EYS: variants seen among roughly 807,000 people sequenced by gnomAD.
EYS encodes the protein protein eyes shut homolog.
In EYS, 250 loss-of-function variants were observed where a neutral mutation model predicts 282.1. The observed-to-expected ratio is 0.89, with a 90% confidence interval of 0.80 to 0.98. The LOEUF is 0.98. Ranked by LOEUF, EYS falls within the 50% of genes least tolerant of loss-of-function variation. The pLI, the probability that EYS is intolerant of heterozygous loss-of-function variation, is 0.00. For synonymous variants in EYS, 1,355 were observed against 1,282.9 expected (o/e 1.06, Z -1.20); for missense variants, 4,016 against 3,709.0 (o/e 1.08, Z -2.15).
intron 12 of EYS, among the ~76,000 whole-genome samples, chr6:65,243,327 T>C (rs1767100375): frequency 6.6e-6 from 1 of 152,220 alleles, no homozygotes; most frequent in Non-Finnish European, 1.5e-5. Context: ...ATGGCTACAC[T>C]ATACTGTCAA....
chr6:63,944,057 A>T (rs886501221), intron 35 of EYS, among the ~76,000 whole-genome samples: 3 of 152,174 alleles, frequency 2.0e-5, no homozygotes, highest in African/African-American at 7.2e-5. Flanking sequence ...AGACAGAGAG[A>T]TGCAGAGCGC....
At chr6:65,652,105 G>A (rs1767673266) in intron 1 of EYS, among the ~76,000 whole-genome samples, 1 of 151,922 alleles carries the variant, frequency 6.6e-6, no homozygotes, top group Non-Finnish European at 1.5e-5. Flanking sequence ...ATAAAAATGT[G>A]TAGCTCAAAC....
At chr6:64,255,536 A>G (rs1767361591) in intron 30 of EYS, among the ~76,000 whole-genome samples, 1 of 152,100 alleles carries the variant, frequency 6.6e-6, no homozygotes, top group African/African-American at 2.4e-5. Context: ...GCCTTTAAAA[A>G]AGTTCAAGAC....
At chr6:63,990,544 C>T (rs1402464118) in intron 34 of EYS, among the ~76,000 whole-genome samples, 2 of 151,640 alleles carry the variant, frequency 1.3e-5, no homozygotes, top group African/African-American at 4.8e-5. Flanking sequence ...TTTTCTGATC[C>T]AGGAAAGGGT....
intron 22 of EYS, among the ~76,000 whole-genome samples, chr6:64,675,382 T>TGATTGCAAA (rs1769615417): frequency 6.6e-6 from 1 of 151,946 alleles, no homozygotes; most frequent in Admixed American, 6.6e-5. Context: ...CATATGCCTG[T>TGATTGCAAA]GATTGCAAAC....
Position 63,925,165 on chromosome 6 carries a change from G to A in EYS, c.7055+59218C>T, listed in dbSNP as rs138568885. The stretch of plus-strand genomic sequence containing the variant: ...AGCCCTGAGAATTAAGCTAAAGACA[G>A]AAATCCTCATTAAAATGCCCTAGTA... On this transcript the variant is annotated intron_variant, in intron 35 of 42. Transcript: ENST00000503581. 4.3e-3 allele frequency among the ~76,000 whole-genome samples: 654 copies of A among 152,302 alleles called. 3 individuals carry two copies. Among genetic ancestry groups the A allele is most frequent in the African/African-American group, 0.014 (598 of 41,562 alleles).
chr6:63,990,810 A>C (rs1767571220), intron 34 of EYS, among the ~76,000 whole-genome samples: 1 of 151,646 alleles, frequency 6.6e-6, no homozygotes, highest in Non-Finnish European at 1.5e-5. Flanking sequence ...GGGACTGCTG[A>C]GAAAAAAAGA....
intron 22 of EYS, among the ~76,000 whole-genome samples, chr6:64,743,301 G>A (rs1180469372): frequency 6.6e-6 from 1 of 152,034 alleles, no homozygotes; most frequent in Non-Finnish European, 1.5e-5. Flanking sequence ...ACATGTGTAG[G>A]TGACAAAAGA....
At chr6:65,288,012 T>C (rs1364116051) in intron 12 of EYS, among the ~76,000 whole-genome samples, 3 of 151,198 alleles carry the variant, frequency 2.0e-5, no homozygotes, top group Admixed American at 1.3e-4. Flanking sequence ...AATAATTTCA[T>C]CAGACATTGT....
At chr6:64,389,862 C>T (rs980577627) in intron 28 of EYS, among the ~76,000 whole-genome samples, 26 of 152,182 alleles carry the variant, frequency 1.7e-4, no homozygotes, top group African/African-American at 6.3e-4. Context: ...TCTGAGGTAC[C>T]GGGTTCATCT....
intron 22 of EYS, among the ~76,000 whole-genome samples, chr6:64,626,782 C>T (rs1251026571): frequency 6.6e-6 from 1 of 152,018 alleles, no homozygotes; most frequent in Admixed American, 6.6e-5. Flanking sequence ...CTTAAGCTAA[C>T]GAGTTTGTGG....
intron 26 of EYS, among the ~76,000 whole-genome samples, chr6:64,525,286 A>T (rs767172677): frequency 6.6e-6 from 1 of 151,846 alleles, no homozygotes. Context: ...ATGCCCATCA[A>T]TGACAGACCG....
At chr6:65,336,390 T>C (rs951350327) in intron 10 of EYS, among the ~76,000 whole-genome samples, 4 of 151,706 alleles carry the variant, frequency 2.6e-5, no homozygotes, top group African/African-American at 9.7e-5. Context: ...AAATCATTTT[T>C]AATAGTCAAA....
At chr6:64,796,635 A>C (rs1472799850) in intron 22 of EYS, among the ~76,000 whole-genome samples, 3 of 152,192 alleles carry the variant, frequency 2.0e-5, no homozygotes, top group African/African-American at 4.8e-5. Context: ...ACCGATACAC[A>C]CAGACGCTAT....
At chr6:64,392,839 G>A (rs999473490) in intron 28 of EYS, among the ~76,000 whole-genome samples, 7 of 151,812 alleles carry the variant, frequency 4.6e-5, no homozygotes, top group Non-Finnish European at 8.8e-5. Flanking sequence ...GAATCCAGGA[G>A]CTGGATTTTT....
intron 26 of EYS, among the ~76,000 whole-genome samples, chr6:64,527,306 G>T (rs1194972268): frequency 6.6e-6 from 1 of 151,796 alleles, no homozygotes; most frequent in East Asian, 1.9e-4. Context: ...AAATGGAAAT[G>T]AGTAAAGCAA....
intron 5 of EYS, among the ~76,000 whole-genome samples, chr6:65,448,988 G>T (rs1764302476): frequency 1.3e-5 from 2 of 152,042 alleles, no homozygotes; most frequent in Non-Finnish European, 2.9e-5. Context: ...TTTAATGTTA[G>T]GTTTGTGAAT....
At chr6:63,890,335 C>T (rs192729483) in intron 35 of EYS, among the ~76,000 whole-genome samples, 1 of 152,054 alleles carries the variant, frequency 6.6e-6, no homozygotes, top group African/African-American at 2.4e-5. Flanking sequence ...TAAAATTGAC[C>T]ACATAATTGG....
At chr6:65,578,892 C>T (rs556388059) in intron 2 of EYS, among the ~76,000 whole-genome samples, 5 of 152,100 alleles carry the variant, frequency 3.3e-5, no homozygotes, top group Non-Finnish European at 5.9e-5. Flanking sequence ...ATTAAAGAAG[C>T]ACAAAGATTA....
Sources: allele counts gnomAD v4.1 joint callset (sites outside exome capture counted in the v4.1 genomes callset), GRCh38; gene constraint gnomAD v4.1.1; transcripts MANE v1.5; gene names NCBI Gene and HGNC (gene_info 2026-07-23, HGNC 2026-07-21).